Variants in CYSTM1 observed in about 807,000 individuals in gnomAD.
CYSTM1 encodes the protein cysteine-rich transmembrane module-containing protein 1.
In CYSTM1, 4 loss-of-function variants were observed where a neutral mutation model predicts 13.1. The ratio of observed to expected loss-of-function variants is 0.31; its 90% CI spans 0.15 to 0.70. The LOEUF (loss-of-function observed/expected upper bound fraction) is 0.70. Ranked by LOEUF, CYSTM1 falls within the 30% of genes least tolerant of loss-of-function variation. The pLI is 0.72. For synonymous variants in CYSTM1, 36 were observed against 42.7 expected (o/e 0.84, Z 0.62); for missense variants, 96 against 121.6 (o/e 0.79, Z 0.99).
chr5:140,227,176 G>A (rs1764567979), intron 2 of CYSTM1, among the ~76,000 whole-genome samples: 1 of 152,332 alleles, frequency 6.6e-6, no homozygotes, highest in Admixed American at 6.5e-5. Flanking sequence ...ACCTGGCTCA[G>A]GTGGGCTCCT....
chr5:140,238,444 C>T (rs1406150140), intron 2 of CYSTM1, among the ~76,000 whole-genome samples: 2 of 152,240 alleles, frequency 1.3e-5, no homozygotes, highest in Admixed American at 1.3e-4. Context: ...GGTCCCTCTG[C>T]TGTTCCTGGT....
intron 2 of CYSTM1, among the ~76,000 whole-genome samples, chr5:140,212,177 G>A (rs903206781): frequency 6.6e-6 from 1 of 152,130 alleles, no homozygotes; most frequent in African/African-American, 2.4e-5. Context: ...TTGAACCCAG[G>A]TCTGTCTAGT....
chr5:140,210,486 T>C (rs558760271), intron 2 of CYSTM1, among the ~76,000 whole-genome samples: 121 of 152,014 alleles, frequency 8.0e-4, no homozygotes, highest in African/African-American at 2.8e-3. Context: ...ACCACTGCCA[T>C]AGAGTCTTAA....
intron 1 of CYSTM1, among the ~76,000 whole-genome samples, chr5:140,192,394 G>C (rs1424143002): frequency 2.0e-5 from 3 of 152,096 alleles, no homozygotes; most frequent in East Asian, 3.9e-4. Context: ...CACCCAGAAG[G>C]GTTCATTACC....
chr5:140,207,194 G>A (rs1289804924), intron 2 of CYSTM1, among the ~76,000 whole-genome samples: 3 of 152,184 alleles, frequency 2.0e-5, no homozygotes, highest in African/African-American at 7.2e-5. Context: ...TATGAGAAGA[G>A]AGAGAGAGAG....
intron 2 of CYSTM1, among the ~76,000 whole-genome samples, chr5:140,206,072 T>C (rs1263324974): frequency 6.6e-6 from 1 of 152,158 alleles, no homozygotes; most frequent in Non-Finnish European, 1.5e-5. Flanking sequence ...CCCTGCGCCC[T>C]CTGCTCCACC....
At chr5:140,192,800 G>GA (rs1764108394) in intron 1 of CYSTM1, among the ~76,000 whole-genome samples, 1 of 152,218 alleles carries the variant, frequency 6.6e-6, no homozygotes, top group Non-Finnish European at 1.5e-5. Flanking sequence ...AAAAAGTGGA[G>GA]AGAGTGACCC....
At chr5:140,225,918 C>G (rs1764544097) in intron 2 of CYSTM1, among the ~76,000 whole-genome samples, 1 of 152,192 alleles carries the variant, frequency 6.6e-6, no homozygotes. Flanking sequence ...GCTAACTGAT[C>G]TTGCAGGCCC....
chr5:140,213,677 T>C (rs1251303783), intron 2 of CYSTM1, among the ~76,000 whole-genome samples: 1 of 152,234 alleles, frequency 6.6e-6, no homozygotes, highest in Non-Finnish European at 1.5e-5. Context: ...ACCTTTTCTA[T>C]GTTTAGACAC....
intron 1 of CYSTM1, among the ~76,000 whole-genome samples, chr5:140,183,027 T>G (rs1241143497): frequency 1.3e-5 from 2 of 152,190 alleles, no homozygotes; most frequent in Non-Finnish European, 2.9e-5. Context: ...CCAGGAGCGC[T>G]TAGTTAAATT....
At chr5:140,218,654 A>C (rs927103016) in intron 2 of CYSTM1, among the ~76,000 whole-genome samples, 2 of 152,230 alleles carry the variant, frequency 1.3e-5, no homozygotes, top group African/African-American at 2.4e-5. Context: ...GTGGGCTGCC[A>C]GGCCCAAGGG....
At chr5:140,185,508 T>C (rs1048972809) in intron 1 of CYSTM1, among the ~76,000 whole-genome samples, 1 of 152,174 alleles carries the variant, frequency 6.6e-6, no homozygotes, top group Non-Finnish European at 1.5e-5. Context: ...AATAATGGAG[T>C]AATACTGCAG....
chr5:140,215,470 G>T (rs1187775492), intron 2 of CYSTM1, among the ~76,000 whole-genome samples: 1 of 148,768 alleles, frequency 6.7e-6, no homozygotes, highest in Admixed American at 7.0e-5. Flanking sequence ...ATAATAGGCT[G>T]CAGTTCCTGT....
chr5:140,179,864 C>T (rs578245700), intron 1 of CYSTM1, among the ~76,000 whole-genome samples: 79 of 151,984 alleles, frequency 5.2e-4, no homozygotes, highest in Admixed American at 1.8e-3. Context: ...GGTTTCACCA[C>T]GTTGGCCAGG....
chr5:140,242,318 A>G (rs1440584585), intron 2 of CYSTM1, among the ~76,000 whole-genome samples: 1 of 152,204 alleles, frequency 6.6e-6, no homozygotes, highest in Non-Finnish European at 1.5e-5. Flanking sequence ...CTGTAATAGC[A>G]ATGACACCAG....
intron 2 of CYSTM1, among the ~76,000 whole-genome samples, chr5:140,237,169 A>G (rs1764692207): frequency 6.6e-6 from 1 of 152,084 alleles, no homozygotes; most frequent in African/African-American, 2.4e-5. Flanking sequence ...CCATATCTCA[A>G]TTGACTGTTG....
intron 2 of CYSTM1, among the ~76,000 whole-genome samples, chr5:140,216,434 A>G: frequency 6.6e-6 from 1 of 152,148 alleles, no homozygotes; most frequent in South Asian, 2.1e-4. Flanking sequence ...AAGAGGACCC[A>G]GCTTCTCCCC....
chr5:140,243,632 A>T lies in CYSTM1; in HGVS notation c.*221A>T, dbSNP rs1647228831. On this transcript the variant is annotated 3_prime_UTR_variant, in exon 3 of 3. Transcript: ENST00000261811. ...ATCCATTTCTTATTGATCTTTAAAGATGTGCTAAATGACTTTTTTGGCCAA... is the reference window on the plus strand; with the variant it reads ...ATCCATTTCTTATTGATCTTTAAAGTTGTGCTAAATGACTTTTTTGGCCAA... 1 of 417,260 alleles carries T rather than the reference A, an allele frequency of 2.4e-6. No individual in the cohort carries two copies. Among genetic ancestry groups the T allele is most frequent in the Non-Finnish European group, 4.2e-6 (1 of 235,692 alleles). 25.8% of individuals were successfully genotyped at this position (417,260 alleles called of 1,614,324 possible). A position where few individuals can be genotyped will look rare whatever the true frequency, so the allele number is the denominator to read the frequency against.
intron 2 of CYSTM1, among the ~76,000 whole-genome samples, chr5:140,238,577 C>T (rs563912591): frequency 6.6e-6 from 1 of 152,252 alleles, no homozygotes; most frequent in South Asian, 2.1e-4. Context: ...AGCCCCTTTG[C>T]GCTGGGTAGT....
Sources: gnomAD v4.1 joint callset for allele counts (sites outside exome capture counted in the v4.1 genomes callset) on GRCh38, gnomAD v4.1.1 for gene constraint, MANE v1.5 for transcripts, NCBI Gene and HGNC (gene_info 2026-07-23, HGNC 2026-07-21) for gene names.